The following KMO variants were observed in gnomAD, a reference collection of about 807,000 sequenced individuals.
KMO encodes the protein kynurenine 3-hydroxylase.
A neutral mutation model predicts 57.8 loss-of-function variants in KMO; 24 were observed. The ratio of observed to expected loss-of-function variants is 0.42; its 90% confidence interval spans 0.30 to 0.58. The LOEUF is 0.58. Among genes scored for constraint, KMO ranks in the 20% least tolerant of loss-of-function variants. KMO has a pLI of 0.22. For missense variants in KMO, 483 were observed against 588.2 expected (o/e 0.82, Z 1.85); for synonymous variants, 210 against 193.6 (o/e 1.08, Z -0.70).
At chr1:241,556,661 C>A (rs949346357) in intron 5 of KMO, among the ~76,000 whole-genome samples, 2 of 152,078 alleles carry the variant, frequency 1.3e-5, no homozygotes, top group Non-Finnish European at 2.9e-5. Context: ...AGGCGGATCA[C>A]AAGGTCAGGA....
intron 11 of KMO, among the ~76,000 whole-genome samples, chr1:241,587,683 A>T (rs1345028096): frequency 6.6e-6 from 1 of 151,522 alleles, no homozygotes; most frequent in African/African-American, 2.4e-5. Context: ...ACCTCAAGTG[A>T]TCCACCCACC....
intron 7 of KMO, 53 bp downstream of exon 7, chr1:241,562,385 C>T (rs878875978): frequency 4.6e-5 from 72 of 1,557,404 alleles, no homozygotes; most frequent in Admixed American, 3.2e-4. Context: ...TCCATGAGCG[C>T]GAATGCGTAT....
At chr1:241,537,340 C>G (rs1245249162) in intron 1 of KMO, among the ~76,000 whole-genome samples, 1 of 152,120 alleles carries the variant, frequency 6.6e-6, no homozygotes, top group Non-Finnish European at 1.5e-5. Context: ...GCATATGAAC[C>G]ATCAAATGGC....
chr1:241,548,852 T>C lies in KMO; in HGVS notation c.78T>C (p.Phe26=). ...AGGTTGGCTCATTACAAGCATGCTT[T>C]CTTGCAAAGAGGAATTTCCAGATTG... ...GGLVGSLQAC[F]LAKRNFQIDV... is the part of the protein sequence containing the mutation. Residue 26 remains phenylalanine, a synonymous_variant, in exon 2 of 15, where the codon TTT becomes TTC. Transcript: ENST00000366559. 1.0e-5 allele frequency: 16 copies of C among 1,603,712 alleles called. No individual in the cohort carries two copies. The highest frequency in any genetic ancestry group is 1.4e-5 in the Non-Finnish European group (16 of 1,170,990).
chr1:241,580,163 A>G lies in KMO; in HGVS notation c.958-6516A>G, dbSNP rs148473302. Among the ~76,000 whole-genome samples, 58 of 152,234 alleles carry G rather than the reference A, an allele frequency of 3.8e-4. No individual in the cohort carries two copies. The East Asian group carries it at 7.5e-3, about 20-fold the overall frequency. On this transcript the variant is annotated intron_variant, in intron 10 of 14. Transcript: ENST00000366559. ...CTTATAGTATAGGTTGCAGCAGCCT[A>G]TCTCTTCTTTTAAAGGGTCTTATGG...
intron 1 of KMO, among the ~76,000 whole-genome samples, chr1:241,546,728 C>T (rs749055031): frequency 6.6e-6 from 1 of 152,128 alleles, no homozygotes; most frequent in Non-Finnish European, 1.5e-5. Context: ...AGGCGATGAT[C>T]GCAAGTTTCA....
intron 3 of KMO, chr1:241,550,056 C>T (rs943728108): frequency 1.7e-5 from 5 of 293,258 alleles, no homozygotes; most frequent in Non-Finnish European, 3.1e-5. Flanking sequence ...AAGATGGCAT[C>T]CAGGATAAAA....
At chr1:241,543,893 G>A (rs11584135) in intron 1 of KMO, among the ~76,000 whole-genome samples, 45,935 of 152,084 alleles carry the variant, frequency 0.3, 7,869 homozygotes, top group Non-Finnish European at 0.39. Flanking sequence ...AACCTTAGAA[G>A]TATTGAGGCA....
intron 7 of KMO, among the ~76,000 whole-genome samples, chr1:241,563,466 T>A (rs551671259): frequency 5.2e-4 from 79 of 152,296 alleles, no homozygotes; most frequent in African/African-American, 1.8e-3. Context: ...GCCAGTAAAA[T>A]CCATATTTTC....
intron 10 of KMO, among the ~76,000 whole-genome samples, chr1:241,585,418 T>C (rs901249085): frequency 4.6e-5 from 7 of 152,070 alleles, no homozygotes; most frequent in Non-Finnish European, 8.8e-5. Flanking sequence ...AATCTGCTTG[T>C]TTCAGATGTA....
intron 5 of KMO, among the ~76,000 whole-genome samples, chr1:241,556,959 G>A (rs1304414703): frequency 3.9e-5 from 6 of 152,042 alleles, no homozygotes; most frequent in African/African-American, 1.4e-4. Context: ...ATAGTGTGAA[G>A]ACTGAGAAAG....
intron 6 of KMO, among the ~76,000 whole-genome samples, chr1:241,561,470 A>G (rs111837646): frequency 6.6e-6 from 1 of 151,986 alleles, no homozygotes; most frequent in Admixed American, 6.6e-5. Flanking sequence ...CCTACTTTCT[A>G]CTGGCTTCAG....
intron 5 of KMO, among the ~76,000 whole-genome samples, chr1:241,558,399 T>A (rs2147957245): frequency 6.6e-6 from 1 of 152,334 alleles, no homozygotes; most frequent in Non-Finnish European, 1.5e-5. Context: ...GCATCAAATG[T>A]GGGAGGTTTT....
At chr1:241,585,290 A>G (rs1662929275) in intron 10 of KMO, among the ~76,000 whole-genome samples, 1 of 152,116 alleles carries the variant, frequency 6.6e-6, no homozygotes, top group African/African-American at 2.4e-5. Flanking sequence ...TCTACCTCAG[A>G]GAGTTGTGAA....
At chr1:241,543,545 T>C (rs1661031450) in intron 1 of KMO, among the ~76,000 whole-genome samples, 1 of 152,206 alleles carries the variant, frequency 6.6e-6, no homozygotes, top group Non-Finnish European at 1.5e-5. Context: ...CTTTTTTGTT[T>C]GTCTATTTTA....
chr1:241,547,794 A>G (rs1029468758), intron 1 of KMO, among the ~76,000 whole-genome samples: 25 of 152,318 alleles, frequency 1.6e-4, no homozygotes, highest in African/African-American at 5.8e-4. Context: ...GTGACGGTAC[A>G]TAAACTTTTG....
At chr1:241,560,818 C>T in intron 6 of KMO, 66 bp downstream of exon 6, 1 of 1,000,264 alleles carries the variant, frequency 1.0e-6, no homozygotes, top group Admixed American at 1.8e-5. Context: ...TATCTGCAAA[C>T]TTTGTTCTTT....
intron 1 of KMO, among the ~76,000 whole-genome samples, chr1:241,542,924 G>T (rs1394831834): frequency 6.6e-6 from 1 of 152,144 alleles, no homozygotes; most frequent in African/African-American, 2.4e-5. Context: ...CAGTCTGAAA[G>T]CTATATTGTT....
chr1:241,543,357 G>C (rs1661023189), intron 1 of KMO, among the ~76,000 whole-genome samples: 1 of 152,048 alleles, frequency 6.6e-6, no homozygotes, highest in Non-Finnish European at 1.5e-5. Flanking sequence ...CTATGTATTT[G>C]CATATGTCTA....
Sources: gnomAD v4.1 joint callset for allele counts (sites outside exome capture counted in the v4.1 genomes callset) on GRCh38, gnomAD v4.1.1 for gene constraint, MANE v1.5 for transcripts, NCBI Gene and HGNC (gene_info 2026-07-23, HGNC 2026-07-21) for gene names.